The following ZNF827 variants were observed in gnomAD, a reference collection of about 807,000 sequenced individuals.
The protein encoded by ZNF827 is zinc finger protein 827.
A neutral mutation model predicts 102.4 loss-of-function variants in ZNF827; 13 were observed. The observed-to-expected ratio is 0.13, with a 90% confidence interval of 0.08 to 0.20. The LOEUF (loss-of-function observed/expected upper bound fraction) is 0.20. Among genes scored for constraint, ZNF827 ranks in the 10% least tolerant of loss-of-function variants. ZNF827 has a pLI of 1.00. For synonymous variants in ZNF827, 523 were observed against 536.2 expected (o/e 0.98, Z 0.34); for missense variants, 1,103 against 1,344.4 (o/e 0.82, Z 2.81).
chr4:145,895,939 T>G (rs1254562395), intron 2 of ZNF827, among the ~76,000 whole-genome samples: 1 of 152,178 alleles, frequency 6.6e-6, no homozygotes, highest in Non-Finnish European at 1.5e-5. Flanking sequence ...ATAAATAACT[T>G]TTCCCAAGTA....
intron 8 of ZNF827, among the ~76,000 whole-genome samples, chr4:145,822,619 T>A (rs1404581835): frequency 6.6e-6 from 1 of 151,822 alleles, no homozygotes; most frequent in Non-Finnish European, 1.5e-5. Flanking sequence ...GCTGAGATCC[T>A]CTCCACAGCT....
At chr4:145,923,655 TAACTC>T (rs1753232927) in intron 1 of ZNF827, among the ~76,000 whole-genome samples, 1 of 152,098 alleles carries the variant, frequency 6.6e-6, no homozygotes, top group Non-Finnish European at 1.5e-5. Flanking sequence ...TGTCTTCTGT[TAACTC>T]AGGCATTAGA....
chr4:145,777,478 A>G (rs528974328), intron 9 of ZNF827, among the ~76,000 whole-genome samples: 94 of 152,292 alleles, frequency 6.2e-4, no homozygotes, highest in Non-Finnish European at 1.2e-3. Flanking sequence ...CTCTTTGGGA[A>G]CCGACTGATT....
chr4:145,826,124 T>C (rs761304476), intron 7 of ZNF827, among the ~76,000 whole-genome samples: 1 of 152,208 alleles, frequency 6.6e-6, no homozygotes, highest in Non-Finnish European at 1.5e-5. Flanking sequence ...TGCCAGGAGA[T>C]AGCAAGTGTG....
At chr4:145,812,831 A>G (rs1176619645) in intron 8 of ZNF827, among the ~76,000 whole-genome samples, 2 of 152,060 alleles carry the variant, frequency 1.3e-5, no homozygotes, top group African/African-American at 4.8e-5. Context: ...CCTGACCTAA[A>G]CCATTTTATT....
At chr4:145,937,533 C>T (rs1312751564) in intron 1 of ZNF827, among the ~76,000 whole-genome samples, 1 of 147,806 alleles carries the variant, frequency 6.8e-6, no homozygotes, top group Non-Finnish European at 1.5e-5. Flanking sequence ...CATCCGCCCG[C>T]CGCTGCCCGG....
At chr4:145,899,459 T>G (rs973531887) in intron 2 of ZNF827, among the ~76,000 whole-genome samples, 3 of 152,090 alleles carry the variant, frequency 2.0e-5, no homozygotes. Flanking sequence ...ATAACAAAAT[T>G]AGATACTCTG....
At chr4:145,771,940 G>A (rs570939369) in intron 11 of ZNF827, among the ~76,000 whole-genome samples, 12 of 152,308 alleles carry the variant, frequency 7.9e-5, no homozygotes, top group South Asian at 2.1e-4. Context: ...CATCTTCTGC[G>A]CATCTGAAAA....
chr4:145,800,385 G>A (rs771073514), intron 8 of ZNF827, among the ~76,000 whole-genome samples: 188 of 149,290 alleles, frequency 1.3e-3, no homozygotes, highest in Admixed American at 3.1e-3. Context: ...ACAGAATCTC[G>A]CTCTGTCGCC....
chr4:145,930,838 CGT>C lies in ZNF827; in HGVS notation c.43+7525_43+7526del, dbSNP rs145667788. The stretch of plus-strand genomic sequence containing the variant: ...ACAGTGCAGCCTCTCTGTGTGTGTG[CGT>C]GTGTGTGTGTGTGCGCGCGCATGTG... On this transcript the variant is annotated intron_variant, in intron 1 of 14. Transcript: ENST00000508784. Among the ~76,000 whole-genome samples, 337 of 151,092 alleles carry C rather than the reference CGT, an allele frequency of 2.2e-3. 1 individual carries two copies. Among genetic ancestry groups the C allele is most frequent in the African/African-American group, 7.0e-3 (289 of 41,140 alleles).
At position 145,846,161 on chromosome 4, in the gene ZNF827, C is replaced by T. The variant is rs34221205; in HGVS notation, c.2222-148G>A. On this transcript the variant is annotated intron_variant, in intron 6 of 14. Coordinates refer to ENST00000508784, the MANE Select transcript of ZNF827 (RefSeq NM_001306215.2). Reference sequence around the variant, plus strand: ...CTTTTTTAAACATCCAGATCCTCCCCATCTTACTGGAAAAGACAATCATCC... The same window carrying T: ...CTTTTTTAAACATCCAGATCCTCCCTATCTTACTGGAAAAGACAATCATCC... The T allele has an allele frequency of 5.5e-6, 4 of 729,460 alleles. No homozygotes were observed. In the African/African-American group the frequency reaches 7.1e-5, roughly 13 times the overall value. The allele number at this position is 729,460 out of a possible 1,614,324, so 45.2% of individuals were successfully genotyped here. A position where few individuals can be genotyped will look rare whatever the true frequency, so the allele number is the denominator to read the frequency against.
intron 4 of ZNF827, among the ~76,000 whole-genome samples, chr4:145,878,435 T>C (rs1561031022): frequency 6.6e-6 from 1 of 151,964 alleles, no homozygotes; most frequent in Non-Finnish European, 1.5e-5. Context: ...GGGCTGAGCA[T>C]GGTGGCCTGT....
In ZNF827 at chr4:145,903,152, G is replaced by A; in HGVS notation, c.107C>T (p.Ser36Phe). ...LSEGEHWYGNSSETPSEASYG... is the reference protein window; with the variant it reads ...LSEGEHWYGNFSETPSEASYG... ...GGATGCTTCTGACGGAGTCTCTGAA[G>A]AGTTTCCATACCAGTGTTCTCCTTC... Residue 36 changes from serine (S) to phenylalanine (F), a missense_variant, in exon 2 of 15, where the codon TCT (serine) becomes TTT (phenylalanine). Around this residue, in one of 5 missense-constraint regions of ZNF827, gnomAD observed 441 missense variants for 458.6 expected, o/e 0.96. Transcript: ENST00000508784. 6.2e-7 allele frequency: 1 copy of A among 1,614,226 alleles called. No homozygotes were observed. Among genetic ancestry groups the A allele is most frequent in the South Asian group, 1.1e-5 (1 of 91,082 alleles).
intron 7 of ZNF827, among the ~76,000 whole-genome samples, chr4:145,825,441 G>A (rs139696921): frequency 1.5e-4 from 23 of 152,218 alleles, no homozygotes; most frequent in African/African-American, 3.9e-4. Flanking sequence ...CAGGCAGTGC[G>A]GCCTGGGGGA....
intron 1 of ZNF827, among the ~76,000 whole-genome samples, chr4:145,910,534 G>A (rs1017159640): frequency 2.6e-5 from 4 of 152,034 alleles, no homozygotes; most frequent in Admixed American, 6.6e-5. Context: ...TGGCCACTTT[G>A]CACCATTTCC....
At chr4:145,884,834 C>T (rs1749969473) in intron 4 of ZNF827, among the ~76,000 whole-genome samples, 1 of 151,916 alleles carries the variant, frequency 6.6e-6, no homozygotes, top group Non-Finnish European at 1.5e-5. Flanking sequence ...CCAAATGGAT[C>T]AGGGCAGTTT....
At chr4:145,850,098 C>T (rs1366781256) in intron 5 of ZNF827, among the ~76,000 whole-genome samples, 1 of 151,932 alleles carries the variant, frequency 6.6e-6, no homozygotes, top group Non-Finnish European at 1.5e-5. Flanking sequence ...CAATCTCCAC[C>T]TCCCAGGTTT....
intron 7 of ZNF827, among the ~76,000 whole-genome samples, chr4:145,824,735 T>C (rs995792459): frequency 1.3e-5 from 2 of 152,110 alleles, no homozygotes; most frequent in Non-Finnish European, 2.9e-5. Context: ...ACCACTCCCC[T>C]GGGCAAAACA....
rs1736980067 is a variant in ZNF827 at position 145,775,804 on chromosome 4, T to C, written c.2678A>G (p.His893Arg). 3 of 1,614,062 alleles carry C rather than the reference T, an allele frequency of 1.9e-6. No individual in the cohort carries two copies. The highest frequency in any genetic ancestry group is 2.5e-6 in the Non-Finnish European group (3 of 1,180,038). The stretch of plus-strand genomic sequence containing the variant: ...TGCAACTCACCTGTAATAATAAGGA[T>C]GTTTCTTCCCATCACTGCCTTCAGA... ...VTSEGSDGKK[H>R]PYYYSCHVCG... is the part of the protein sequence containing the mutation. Residue 893 changes from histidine (H) to arginine (R), a missense_variant, in exon 10 of 15, where the codon CAT becomes CGT. Physicochemically the swap from His to Arg is conservative, Grantham distance 29 (BLOSUM62 0). This residue lies in a region of ZNF827 where 242 missense variants were observed against 361.9 expected (regional missense o/e 0.67). Transcript: ENST00000508784.
Sources: allele counts gnomAD v4.1 joint callset (sites outside exome capture counted in the v4.1 genomes callset), GRCh38; gene constraint gnomAD v4.1.1; regional missense constraint gnomAD v4.1.1; transcripts MANE v1.5; gene names NCBI Gene and HGNC (gene_info 2026-07-23, HGNC 2026-07-21).